Variants in ZNF208 observed in about 807,000 individuals in gnomAD.
ZNF208 encodes zinc finger protein 95.
In ZNF208, 10 loss-of-function variants were observed where a neutral mutation model predicts 12.1. The ratio of observed to expected loss-of-function variants is 0.83; its 90% CI spans 0.51 to 1.40. ZNF208 has a LOEUF of 1.40. Ranked by LOEUF, ZNF208 falls within the 40% of genes most tolerant of loss-of-function variation. The probability of loss-of-function intolerance (pLI) is 0.00; values close to 1 mark genes in which losing one functional copy is unlikely to be tolerated. For missense variants in ZNF208, 1,652 were observed against 1,485.0 expected (o/e 1.11, Z -1.85); for synonymous variants, 497 against 488.4 (o/e 1.02, Z -0.23).
At chr19:21,987,825 C>T (rs184489539) in intron 2 of ZNF208, among the ~76,000 whole-genome samples, 2 of 152,294 alleles carry the variant, frequency 1.3e-5, no homozygotes, top group South Asian at 2.1e-4. Flanking sequence ...CCCTGAACAT[C>T]TGCTTCTTAG....
intron 3 of ZNF208, 134 bp downstream of exon 3, chr19:21,987,082 A>T: frequency 2.3e-6 from 2 of 882,344 alleles, no homozygotes; most frequent in Non-Finnish European, 3.3e-6. Context: ...GAGAAAATTA[A>T]AGAATAAAAA....
At chr19:21,975,947 T>G (rs1265744423) in intron 3 of ZNF208, among the ~76,000 whole-genome samples, 1 of 150,664 alleles carries the variant, frequency 6.6e-6, no homozygotes, top group East Asian at 2.0e-4. Flanking sequence ...AGAAGTATAT[T>G]AGCACTGCAT....
At chr19:21,981,227 G>C (rs921606080) in intron 3 of ZNF208, among the ~76,000 whole-genome samples, 1 of 152,090 alleles carries the variant, frequency 6.6e-6, no homozygotes. Flanking sequence ...GCATCATCCT[G>C]ATACCAAAAC....
chr19:21,986,881 A>G (rs540869470), intron 3 of ZNF208: 4 of 403,182 alleles, frequency 9.9e-6, no homozygotes, highest in Non-Finnish European at 1.7e-5. Context: ...AGATAGTTTA[A>G]CATGGAGTAT....
intron 4 of ZNF208, among the ~76,000 whole-genome samples, chr19:21,956,384 A>G (rs1349100643): frequency 6.6e-6 from 1 of 152,224 alleles, no homozygotes; most frequent in African/African-American, 2.4e-5. Flanking sequence ...GGGACATTTA[A>G]GTCTGCAGAA....
At position 22,001,203 on chromosome 19, in the gene ZNF208, T is replaced by C. The variant is rs528003050; in HGVS notation, c.3+9589A>G. Among the ~76,000 whole-genome samples the C allele has an allele frequency of 3.9e-5, 6 of 152,280 alleles. No individual in the cohort carries two copies. In the East Asian group the frequency reaches 1.2e-3, roughly 29 times the overall value. On this transcript the variant is annotated intron_variant, in intron 1 of 3. Coordinates refer to ENST00000397126, the MANE Select transcript of ZNF208 (RefSeq NM_007153.3). ...GGGAGGCTGAGGCAGGAGAATTGCT[T>C]GAACCTGGGAGGCGGAGGTTGCGGT...
At chr19:21,994,360 C>T (rs1970792124) in intron 1 of ZNF208, among the ~76,000 whole-genome samples, 1 of 152,132 alleles carries the variant, frequency 6.6e-6, no homozygotes, top group South Asian at 2.1e-4. Flanking sequence ...TGAACACCAG[C>T]TCTAAAAAGG....
intron 4 of ZNF208, among the ~76,000 whole-genome samples, chr19:21,948,738 GC>G (rs1969849808): frequency 6.6e-6 from 1 of 152,084 alleles, no homozygotes; most frequent in Non-Finnish European, 1.5e-5. Context: ...ATGCTATGCT[GC>G]TTTTAAGCCA....
chr19:22,007,812 C>A (rs752729888), intron 1 of ZNF208, among the ~76,000 whole-genome samples: 1 of 151,210 alleles, frequency 6.6e-6, no homozygotes, highest in African/African-American at 2.4e-5. Flanking sequence ...TCAAACAGCA[C>A]GGTAAACATG....
chr19:21,968,470 T>A lies in ZNF208; in HGVS notation c.*2721A>T, dbSNP rs371971262. On this transcript the variant is annotated 3_prime_UTR_variant, in exon 4 of 4. Transcript: ENST00000397126. ...CTGTTATTTTTTTTTCTTTTAATTA[T>A]CTTTACATGGTGAATCACACTTATT... The A allele has an allele frequency of 5.5e-4, 83 of 152,238 alleles. No homozygotes were observed. The highest frequency in any genetic ancestry group is 1.8e-3 in the African/African-American group (75 of 41,564). The allele number at this position is 152,238 out of a possible 1,614,324, so 9.4% of individuals were successfully genotyped here. A position where few individuals can be genotyped will look rare whatever the true frequency, so the allele number is the denominator to read the frequency against.
chr19:21,957,331 C>T (rs1184574789), intron 4 of ZNF208, among the ~76,000 whole-genome samples: 2 of 152,164 alleles, frequency 1.3e-5, no homozygotes, highest in Non-Finnish European at 2.9e-5. Context: ...AGGCACCATG[C>T]CCAGCTGAAA....
At chr19:22,010,045 C>T (rs1971116944) in intron 1 of ZNF208, among the ~76,000 whole-genome samples, 1 of 151,904 alleles carries the variant, frequency 6.6e-6, no homozygotes, top group African/African-American at 2.4e-5. Context: ...AGTAACCGAG[C>T]GTGGTGGCGG....
intron 4 of ZNF208, chr19:21,941,630 T>A (rs1969743997): frequency 1.3e-5 from 5 of 377,300 alleles, no homozygotes; most frequent in Non-Finnish European, 2.3e-5. Flanking sequence ...TTGTATGGCT[T>A]ATGAAGTTTT....
chr19:21,994,958 T>C (rs2145574583), intron 1 of ZNF208, among the ~76,000 whole-genome samples: 1 of 150,926 alleles, frequency 6.6e-6, no homozygotes, highest in South Asian at 2.1e-4. Flanking sequence ...TCTTTTCTTT[T>C]TTTTTTTTTT....
chr19:21,945,610 A>T (rs187491175), intron 4 of ZNF208, among the ~76,000 whole-genome samples: 4,453 of 152,266 alleles, frequency 0.029, 92 homozygotes, highest in Admixed American at 0.064. Context: ...TCAACTTTTT[A>T]AAAAAATTTG....
intron 3 of ZNF208, chr19:21,986,918 T>A: frequency 2.4e-6 from 1 of 415,854 alleles, no homozygotes; most frequent in Non-Finnish European, 4.2e-6. Context: ...TATCTGTGTG[T>A]CCACAAAAAC....
chr19:21,947,225 A>T (rs1042844702), intron 4 of ZNF208, among the ~76,000 whole-genome samples: 16 of 152,190 alleles, frequency 1.1e-4, no homozygotes, highest in African/African-American at 3.9e-4. Flanking sequence ...ATGGCACTGT[A>T]TGAGAGAATA....
At chr19:22,007,753 A>C (rs1204348383) in intron 1 of ZNF208, among the ~76,000 whole-genome samples, 8 of 151,974 alleles carry the variant, frequency 5.3e-5, no homozygotes. Flanking sequence ...CAATCCCAGC[A>C]CTTTGGGAGG....
At chr19:21,964,396 G>C (rs1970129060), downstream of ZNF208, among the ~76,000 whole-genome samples, 1 of 151,622 alleles carries the variant, frequency 6.6e-6, no homozygotes, top group South Asian at 2.1e-4. Flanking sequence ...CAACTGTTTA[G>C]AGTAAAATTC....
Sources: gnomAD v4.1 joint callset for allele counts (sites outside exome capture counted in the v4.1 genomes callset) on GRCh38, gnomAD v4.1.1 for gene constraint, MANE v1.5 for transcripts, NCBI Gene and HGNC (gene_info 2026-07-23, HGNC 2026-07-21) for gene names.